AGPAT3: variants seen among roughly 807,000 people sequenced by gnomAD.
AGPAT3 encodes the protein 1-acyl-sn-glycerol-3-phosphate acyltransferase gamma.
A neutral mutation model predicts 47.3 loss-of-function variants in AGPAT3; 5 were observed. The observed-to-expected ratio is 0.11, with a 90% CI of 0.06 to 0.22. The LOEUF is 0.22. Among genes scored for constraint, AGPAT3 ranks in the 10% least tolerant of loss-of-function variants. The pLI, the probability that AGPAT3 is intolerant of heterozygous loss-of-function variation, is 1.00. For missense variants in AGPAT3, 315 were observed against 493.0 expected (o/e 0.64, Z 3.42); for synonymous variants, 212 against 208.3 (o/e 1.02, Z -0.15).
At chr21:43,878,099 G>A (rs2085773948) in intron 1 of AGPAT3, among the ~76,000 whole-genome samples, 1 of 152,058 alleles carries the variant, frequency 6.6e-6, no homozygotes, top group East Asian at 1.9e-4. Flanking sequence ...CCCCGCCACT[G>A]CTTGCTCAGC....
chr21:43,980,610 G>A (rs9983354), intron 8 of AGPAT3, among the ~76,000 whole-genome samples: 40,195 of 152,164 alleles, frequency 0.26, 5,642 homozygotes, highest in African/African-American at 0.35. Context: ...TCCAGGCCGC[G>A]GGACTCACAC....
intron 3 of AGPAT3, among the ~76,000 whole-genome samples, chr21:43,963,143 G>A (rs1173731063): frequency 6.6e-6 from 1 of 152,212 alleles, no homozygotes; most frequent in Admixed American, 6.5e-5. Flanking sequence ...ACATCAATGT[G>A]AAGAAATCAT....
At chr21:43,900,016 C>T (rs2086314871) in intron 1 of AGPAT3, among the ~76,000 whole-genome samples, 1 of 152,176 alleles carries the variant, frequency 6.6e-6, no homozygotes, top group South Asian at 2.1e-4. Flanking sequence ...GGCAAATAGT[C>T]CTGCTATTGC....
chr21:43,871,966 A>G (rs1418135948), intron 1 of AGPAT3, among the ~76,000 whole-genome samples: 1 of 151,958 alleles, frequency 6.6e-6, no homozygotes, highest in African/African-American at 2.4e-5. Flanking sequence ...GTTCTTCCCA[A>G]TTCTTGGGTC....
chr21:43,936,461 G>T (rs1216141753), intron 2 of AGPAT3, among the ~76,000 whole-genome samples: 3 of 152,364 alleles, frequency 2.0e-5, no homozygotes, highest in East Asian at 1.9e-4. Context: ...CCTCCCTCCG[G>T]AAGAATGGCC....
rs1033327634 is a variant in AGPAT3 at position 43,952,324 on chromosome 21, T to C, written c.-48-7310T>C. The stretch of plus-strand genomic sequence containing the variant: ...GGAATCAGCGCCCACCCTGATGATA[T>C]CATTTAACTTAATTACTGTGTTAAA... On this transcript the variant is annotated intron_variant, in intron 2 of 9. Transcript: ENST00000291572. The surrounding 1 kb of genome is among the most constrained non-coding windows in gnomAD (Gnocchi z 5.6). 8.5e-5 allele frequency among the ~76,000 whole-genome samples: 13 copies of C among 152,262 alleles called. 1 individual carries two copies. The highest frequency in any genetic ancestry group is 5.9e-4 in the Admixed American group (9 of 15,298).
Position 43,985,652 on chromosome 21 carries a change from G to A in AGPAT3, c.*3260G>A, listed in dbSNP as rs2030214794. ...TACCGGTTGGGGTCAGATTTGGGGT[G>A]AAGAATGAGTAAGTTTCTGCATGCT... is the stretch of plus-strand genomic sequence containing the variant. On this transcript the variant is annotated 3_prime_UTR_variant, in exon 10 of 10. Coordinates refer to ENST00000291572, the MANE Select transcript of AGPAT3 (RefSeq NM_020132.5). 9.6e-6 allele frequency: 2 copies of A among 208,404 alleles called. No homozygotes were observed. Among genetic ancestry groups the A allele is most frequent in the Admixed American group, 5.3e-5 (1 of 18,786 alleles). 12.9% of individuals were successfully genotyped at this position (208,404 alleles called of 1,614,324 possible).
chr21:43,914,890 ATTCTATAAAGATAG>A (rs1184876154), intron 2 of AGPAT3, among the ~76,000 whole-genome samples: 5 of 152,128 alleles, frequency 3.3e-5, no homozygotes, highest in African/African-American at 1.2e-4. Context: ...ATTCTATAAA[ATTCTATAAAGATAG>A]TTCTGTTTAA....
In AGPAT3 at chr21:43,934,188, A is replaced by G. The variant is rs1035644453; in HGVS notation, c.-48-25446A>G. ...CCGAGCACCAGCTCCCCTGCCGAGCACCAGCTCCCATATGCCAGTCCCCTG... is the reference window on the plus strand; with the variant it reads ...CCGAGCACCAGCTCCCCTGCCGAGCGCCAGCTCCCATATGCCAGTCCCCTG... On this transcript the variant is annotated intron_variant, in intron 2 of 9. Coordinates refer to ENST00000291572, the MANE Select transcript of AGPAT3 (RefSeq NM_020132.5). This position sits in a 1 kb window ranked among gnomAD's most constrained non-coding sequence, Gnocchi z 4.7. Among the ~76,000 whole-genome samples the G allele has an allele frequency of 1.3e-5, 2 of 152,008 alleles. No homozygotes were observed. The highest frequency in any genetic ancestry group is 1.5e-5 in the Non-Finnish European group (1 of 67,958).
intron 2 of AGPAT3, among the ~76,000 whole-genome samples, chr21:43,923,878 G>T (rs1017986318): frequency 3.3e-5 from 5 of 152,188 alleles, no homozygotes; most frequent in Non-Finnish European, 1.5e-5. Context: ...CTGGTCTCCA[G>T]CCCCTGTCCT....
intron 1 of AGPAT3, among the ~76,000 whole-genome samples, chr21:43,901,285 T>C (rs1023252872): frequency 6.9e-6 from 1 of 144,388 alleles, no homozygotes; most frequent in Non-Finnish European, 1.5e-5. Context: ...ATTATGCCAC[T>C]GTACTCTAGT....
intron 7 of AGPAT3, among the ~76,000 whole-genome samples, chr21:43,976,040 A>G (rs73373134): frequency 0.15 from 22,884 of 148,132 alleles, 2,207 homozygotes; most frequent in African/African-American, 0.28. Context: ...GTTGAAGTTA[A>G]TTTTCAATAA....
At chr21:43,923,307 G>A (rs913822896) in intron 2 of AGPAT3, among the ~76,000 whole-genome samples, 2 of 152,236 alleles carry the variant, frequency 1.3e-5, no homozygotes, top group African/African-American at 4.8e-5. Flanking sequence ...GCCTCGGGAA[G>A]CAGCCTGCGC....
intron 2 of AGPAT3, among the ~76,000 whole-genome samples, chr21:43,906,944 G>A (rs544393226): frequency 1.3e-5 from 2 of 152,332 alleles, no homozygotes; most frequent in Admixed American, 6.5e-5. Flanking sequence ...CCTGGCAGGG[G>A]GAACAGGAAG....
At chr21:43,903,109 A>G (rs1219736629) in intron 1 of AGPAT3, among the ~76,000 whole-genome samples, 1 of 152,228 alleles carries the variant, frequency 6.6e-6, no homozygotes, top group Non-Finnish European at 1.5e-5. Context: ...ACCTGCCACC[A>G]AGTGGGTGAG....
At chr21:43,959,609 G>T in intron 2 of AGPAT3, 25 bp from the exon 3 acceptor site, 1 of 1,597,730 alleles carries the variant, frequency 6.3e-7, no homozygotes, top group Non-Finnish European at 8.5e-7. Flanking sequence ...CCACCCTGAC[G>T]CTGTCCCTGT....
chr21:43,962,832 A>C (rs1031506615), intron 3 of AGPAT3, among the ~76,000 whole-genome samples: 1 of 152,246 alleles, frequency 6.6e-6, no homozygotes, highest in Non-Finnish European at 1.5e-5. Flanking sequence ...AGATTAAGGA[A>C]AATTAAATAT....
chr21:43,972,490 G>T (rs2089437829), intron 7 of AGPAT3, among the ~76,000 whole-genome samples: 1 of 152,154 alleles, frequency 6.6e-6, no homozygotes, highest in Admixed American at 6.5e-5. Context: ...GGGCTTCAGT[G>T]CTATGGGGCC....
intron 2 of AGPAT3, among the ~76,000 whole-genome samples, chr21:43,947,459 C>T (rs545744142): frequency 2.6e-5 from 4 of 152,188 alleles, no homozygotes; most frequent in South Asian, 4.1e-4. Context: ...GTGACGCCCC[C>T]GGCATCTCCA....
Sources: gnomAD v4.1 joint callset for allele counts (sites outside exome capture counted in the v4.1 genomes callset) on GRCh38, gnomAD v4.1.1 for gene constraint, Gnocchi (gnomAD v3.1) non-coding constraint, MANE v1.5 for transcripts, NCBI Gene and HGNC (gene_info 2026-07-23, HGNC 2026-07-21) for gene names.